Variants in TRPV3 observed in about 807,000 individuals in gnomAD.
The protein encoded by TRPV3 is VRL-3.
A neutral mutation model predicts 87.1 loss-of-function variants in TRPV3; 88 were observed. The observed-to-expected ratio is 1.01, with a 90% CI of 0.85 to 1.21. TRPV3 has a LOEUF of 1.21. TRPV3 is among the 50% of genes most tolerant of loss of function. TRPV3 has a pLI of 0.00. For missense variants in TRPV3, 1,054 were observed against 1,030.1 expected (o/e 1.02, Z -0.32); for synonymous variants, 438 against 423.3 (o/e 1.03, Z -0.43).
At chr17:3,519,012 T>C (rs1158477257) in intron 14 of TRPV3, among the ~76,000 whole-genome samples, 162 bp from the exon 15 acceptor site, 1 of 152,188 alleles carries the variant, frequency 6.6e-6, no homozygotes, top group Non-Finnish European at 1.5e-5. Flanking sequence ...CAGGCTGGCT[T>C]CTCTGGCCTG....
At chr17:3,523,906 A>G (rs1416884592) in intron 13 of TRPV3, among the ~76,000 whole-genome samples, 2 of 148,244 alleles carry the variant, frequency 1.3e-5, no homozygotes, top group East Asian at 3.9e-4. Context: ...ACACACACAC[A>G]TACACACACA....
chr17:3,543,065 G>C (rs961418008), intron 5 of TRPV3, among the ~76,000 whole-genome samples: 2 of 151,598 alleles, frequency 1.3e-5, no homozygotes, highest in African/African-American at 4.9e-5. Flanking sequence ...ACTGGTCCCC[G>C]AGACACCCAG....
Position 3,516,561 on chromosome 17 carries a change from C to T in TRPV3, c.2094G>A (p.Arg698=). The T allele has an allele frequency of 1.2e-6, 2 of 1,613,920 alleles. No homozygotes were observed. The highest frequency in any genetic ancestry group is 1.3e-5 in the African/African-American group (1 of 75,056). Residue 698 remains arginine (R), a synonymous_variant, in exon 16 of 18, where the codon AGG becomes AGA. Transcript: ENST00000576742. ...ACATTTTCTCAAACTCCAAGATGGT[C>T]CTGGCTCTCTGGGGACATAAGCAAG... ...SERIWRLQRA[R]TILEFEKMLP... is the part of the protein sequence containing the mutation.
Position 3,524,303 on chromosome 17 carries a change from C to T in TRPV3, c.1638G>A (p.Glu546=). The T allele has an allele frequency of 6.2e-7, 1 of 1,614,278 alleles. No homozygotes were observed. Among genetic ancestry groups the T allele is most frequent in the Non-Finnish European group, 8.5e-7 (1 of 1,180,050 alleles). The change falls in exon 13 of 18, where the codon GAG becomes GAA. Residue 546 remains glutamate (E), a synonymous_variant. Coordinates refer to ENST00000576742, the MANE Select transcript of TRPV3 (RefSeq NM_145068.4). The part of the protein sequence containing the change: ...SVFLYLFAYK[E]YLACLVLAMA... ...TGGCCAGCACGAGGCAGGCGAGGTA[C>T]TCTTTGTAGGCAAACAAGTACAAGA...
chr17:3,554,661 G>T, intron 2 of TRPV3, 71 bp downstream of exon 2: 1 of 1,026,904 alleles, frequency 9.7e-7, no homozygotes, highest in South Asian at 1.5e-5. Context: ...AGGGCTCCCT[G>T]GGGGGGTGCC....
chr17:3,534,166 T>G (rs948679970), intron 7 of TRPV3, among the ~76,000 whole-genome samples: 2 of 151,942 alleles, frequency 1.3e-5, no homozygotes, highest in Non-Finnish European at 2.9e-5. Flanking sequence ...GGACACACGA[T>G]GAACTGGACA....
At position 3,530,084 on chromosome 17, in the gene TRPV3, C is replaced by CA. The variant is rs758125659; in HGVS notation, c.1184dup (p.Asp396GlyfsTer23). 1 of 1,614,018 alleles carries CA rather than the reference C, an allele frequency of 6.2e-7. No homozygotes were observed. The highest frequency in any genetic ancestry group is 8.5e-7 in the Non-Finnish European group (1 of 1,179,936). On this transcript the variant is annotated frameshift_variant, in exon 9 of 18. Coordinates refer to ENST00000576742, the MANE Select transcript of TRPV3 (RefSeq NM_145068.4). LOFTEE classifies it high-confidence loss of function. The surrounding 1 kb of genome is among the most constrained non-coding windows in gnomAD (Gnocchi z 4.0). ...GCACTGAGTTGTCCGTGGTGGTGTC[C>CA]ACGTTGGTGAGGTCGTAGAGGGAGG...
intron 12 of TRPV3, among the ~76,000 whole-genome samples, chr17:3,525,766 C>T (rs570059009): frequency 2.4e-4 from 36 of 151,920 alleles, no homozygotes; most frequent in Non-Finnish European, 4.7e-4. Flanking sequence ...ATTACAGGTG[C>T]ATGCCACCAC....
intron 2 of TRPV3, among the ~76,000 whole-genome samples, chr17:3,548,967 G>A (rs542456514): frequency 3.2e-4 from 49 of 152,234 alleles, no homozygotes; most frequent in African/African-American, 8.9e-4. Flanking sequence ...AGTGGGCATC[G>A]GAGGTCAACC....
chr17:3,537,224 C>T (rs1159234979), intron 6 of TRPV3, among the ~76,000 whole-genome samples: 2 of 152,038 alleles, frequency 1.3e-5, no homozygotes, highest in Admixed American at 1.3e-4. Context: ...CTCCTGGGCT[C>T]AAACGATCCT....
chr17:3,551,870 CTTTTTTTTTTTTTTTTTT>C (rs747932928), intron 2 of TRPV3, among the ~76,000 whole-genome samples: 1 of 43,360 alleles, frequency 2.3e-5, no homozygotes, highest in South Asian at 1.4e-3. Flanking sequence ...GTAATTTATT[CTTTTTTTTTTTTTTTTTT>C]TTTTTTTTTT....
intron 2 of TRPV3, chr17:3,546,544 T>A: frequency 2.4e-6 from 1 of 412,050 alleles, no homozygotes; most frequent in Non-Finnish European, 4.9e-6. Flanking sequence ...TCTAGTCTCC[T>A]CTTGTCCTGT....
At chr17:3,547,429 T>G (rs2074536912) in intron 2 of TRPV3, among the ~76,000 whole-genome samples, 1 of 152,174 alleles carries the variant, frequency 6.6e-6, no homozygotes, top group African/African-American at 2.4e-5. Context: ...GAGACCAGCC[T>G]CGCCAACATG....
At chr17:3,519,443 T>C (rs1420901000) in intron 14 of TRPV3, among the ~76,000 whole-genome samples, 1 of 147,340 alleles carries the variant, frequency 6.8e-6, no homozygotes, top group Non-Finnish European at 1.5e-5. Flanking sequence ...GATGGATGGA[T>C]GGATGGATAG....
At chr17:3,543,447 C>T (rs1355513357) in intron 5 of TRPV3, 27 bp downstream of exon 5, 1 of 1,610,520 alleles carries the variant, frequency 6.2e-7, no homozygotes, top group Non-Finnish European at 8.5e-7. Context: ...CCCAGCCCTG[C>T]ACCCTCTGCC....
At chr17:3,527,933 C>T in intron 11 of TRPV3, 92 bp downstream of exon 11, 2 of 1,009,582 alleles carry the variant, frequency 2.0e-6, no homozygotes, top group Non-Finnish European at 3.1e-6. Context: ...CTCCCCAGAA[C>T]CCCCCAGCAG....
At chr17:3,526,201 G>A (rs555797677) in intron 12 of TRPV3, among the ~76,000 whole-genome samples, 9 of 152,126 alleles carry the variant, frequency 5.9e-5, no homozygotes, top group South Asian at 2.1e-4. Context: ...AGAAGAGGCC[G>A]GCGCAGGAGC....
At chr17:3,543,393 T>G in intron 5 of TRPV3, 81 bp downstream of exon 5, 2 of 1,547,578 alleles carry the variant, frequency 1.3e-6, no homozygotes, top group Non-Finnish European at 1.8e-6. Context: ...CCTCATGGGT[T>G]GGTGAGGGGA....
chr17:3,546,367 G>T (rs138750116), intron 2 of TRPV3, among the ~76,000 whole-genome samples: 4 of 151,984 alleles, frequency 2.6e-5, no homozygotes, highest in South Asian at 4.1e-4. Flanking sequence ...GCTTGAACCC[G>T]GGAGGTGGAG....
Sources: allele counts gnomAD v4.1 joint callset (sites outside exome capture counted in the v4.1 genomes callset), GRCh38; gene constraint gnomAD v4.1.1; non-coding constraint Gnocchi (gnomAD v3.1); transcripts MANE v1.5; gene names NCBI Gene and HGNC (gene_info 2026-07-23, HGNC 2026-07-21).